The following ZMYND8 variants were observed in gnomAD, a reference collection of about 807,000 sequenced individuals.
The protein encoded by ZMYND8 is zinc finger MYND-type containing 8.
Under a neutral mutation model 140.8 loss-of-function variants are expected in ZMYND8, and 37 were observed. The observed-to-expected ratio is 0.26, with a 90% CI of 0.20 to 0.35. The LOEUF is 0.35. Ranked by LOEUF, ZMYND8 falls within the 10% of genes least tolerant of loss-of-function variation. The pLI, the probability that ZMYND8 is intolerant of heterozygous loss-of-function variation, is 1.00. For missense variants in ZMYND8, 1,068 were observed against 1,570.0 expected, an observed-to-expected ratio of 0.68 and a Z score of 5.40; for synonymous variants, 592 against 597.1, an observed-to-expected ratio of 0.99 and a Z score of 0.12.
intron 2 of ZMYND8, chr20:47,319,355 G>A (rs1221671863): frequency 1.9e-5 from 5 of 257,426 alleles, no homozygotes; most frequent in Admixed American, 5.1e-5. Context: ...TCTGCTGGCC[G>A]AGGTGACAAT....
chr20:47,294,195 A>C (rs2077487897), intron 5 of ZMYND8, among the ~76,000 whole-genome samples: 1 of 149,206 alleles, frequency 6.7e-6, no homozygotes, highest in African/African-American at 2.5e-5. Context: ...TAAAAATACA[A>C]AAAAAAAAAT....
intron 2 of ZMYND8, among the ~76,000 whole-genome samples, chr20:47,318,282 G>A (rs1034709409): frequency 6.6e-6 from 1 of 152,098 alleles, no homozygotes; most frequent in Non-Finnish European, 1.5e-5. Context: ...AGCCCTTTTC[G>A]TAATCACCAG....
chr20:47,238,573 A>G (rs2039541817), intron 15 of ZMYND8, 185 bp downstream of exon 15: 1 of 1,187,928 alleles, frequency 8.4e-7, no homozygotes, highest in Non-Finnish European at 1.2e-6. Context: ...TTTTGAAAGT[A>G]AAAAAGCAAG....
chr20:47,224,586 T>A (rs762859490), intron 18 of ZMYND8, 30 bp from the exon 19 acceptor site: 43 of 1,609,278 alleles, frequency 2.7e-5, no homozygotes, highest in Admixed American at 5.0e-5. Flanking sequence ...ACACCGCTCA[T>A]CACCTGACCC....
intron 2 of ZMYND8, among the ~76,000 whole-genome samples, chr20:47,310,997 C>T (rs1426854975): frequency 6.6e-6 from 1 of 152,158 alleles, no homozygotes; most frequent in Non-Finnish European, 1.5e-5. Context: ...ACGACTTGTC[C>T]ATGCCCATGC....
chr20:47,295,612 C>T (rs1446791255), intron 4 of ZMYND8, among the ~76,000 whole-genome samples: 1 of 152,188 alleles, frequency 6.6e-6, no homozygotes, highest in East Asian at 1.9e-4. Context: ...ACTAATAATA[C>T]GTATGACTTC....
chr20:47,255,779 A>G (rs1485472378), intron 12 of ZMYND8, among the ~76,000 whole-genome samples: 24 of 126,266 alleles, frequency 1.9e-4, no homozygotes, highest in Non-Finnish European at 3.7e-4. Context: ...ATATATATAT[A>G]TTTGTATGTG....
intron 18 of ZMYND8, among the ~76,000 whole-genome samples, chr20:47,226,088 C>T (rs901559194): frequency 6.7e-6 from 1 of 150,004 alleles, no homozygotes; most frequent in Non-Finnish European, 1.5e-5. Context: ...GAGGCAGAGG[C>T]TGCAGTCAGC....
Position 47,224,378 on chromosome 20 carries a change from G to A in ZMYND8, c.3195C>T (p.Tyr1065=). 1 of 1,614,262 alleles carries A rather than the reference G, an allele frequency of 6.2e-7. No individual in the cohort carries two copies. Among genetic ancestry groups the A allele is most frequent in the Non-Finnish European group, 8.5e-7 (1 of 1,180,040 alleles). ...AIFYCCWNTS[Y]CDYPCQQAHW... ...GGGCTTGCTGGCAGGGGTAGTCACA[G>A]TAGCTGGTGTTCCAACAGCAGTAAA... The change falls in exon 19 of 23, where the codon TAC becomes TAT. Residue 1065 remains tyrosine (Y), a synonymous_variant. Coordinates refer to ENST00000471951, the MANE Select transcript of ZMYND8 (RefSeq NM_001281775.3).
Position 47,220,238 on chromosome 20 carries a change from C to T in ZMYND8, c.3484+20G>A, listed in dbSNP as rs1334995353. On this transcript the variant is annotated intron_variant, in intron 21 of 22. Transcript: ENST00000471951. Reference sequence around the variant, plus strand: ...ATCTGAAATGTGAAAGCACCGTTCGCCCACCAGGGGGCAACATACCAGAGC... The same window carrying T: ...ATCTGAAATGTGAAAGCACCGTTCGTCCACCAGGGGGCAACATACCAGAGC... 1 of 1,553,832 alleles carries T rather than the reference C, an allele frequency of 6.4e-7. No homozygotes were observed.
At chr20:47,264,804 G>A (rs1039871153) in intron 11 of ZMYND8, among the ~76,000 whole-genome samples, 8 of 151,970 alleles carry the variant, frequency 5.3e-5, no homozygotes, top group Non-Finnish European at 1.2e-4. Flanking sequence ...GGAGGCTGAG[G>A]TGGGAGGATC....
chr20:47,314,433 A>ATT (rs2079211191), intron 2 of ZMYND8, among the ~76,000 whole-genome samples: 2 of 151,974 alleles, frequency 1.3e-5, no homozygotes, highest in Non-Finnish European at 2.9e-5. Context: ...CAGGAGGCAG[A>ATT]GGTTGCAGTG....
At chr20:47,350,199 C>T (rs1448599986) in intron 1 of ZMYND8, among the ~76,000 whole-genome samples, 1 of 152,070 alleles carries the variant, frequency 6.6e-6, no homozygotes, top group Admixed American at 6.6e-5. Context: ...TTTAAGAAAA[C>T]CATCTTTTTC....
At chr20:47,322,034 TA>T (rs2080002047) in intron 2 of ZMYND8, among the ~76,000 whole-genome samples, 1 of 151,924 alleles carries the variant, frequency 6.6e-6, no homozygotes, top group Non-Finnish European at 1.5e-5. Context: ...CTAATTTTTG[TA>T]TTTTTTGTAG....
chr20:47,270,359 G>A (rs1223921174), intron 11 of ZMYND8, among the ~76,000 whole-genome samples: 1 of 127,560 alleles, frequency 7.8e-6, no homozygotes, highest in Non-Finnish European at 1.6e-5. Flanking sequence ...GAAGACAAGA[G>A]TGAAACTCCA....
intron 3 of ZMYND8, among the ~76,000 whole-genome samples, chr20:47,308,108 ACT>A (rs1260744387): frequency 6.7e-4 from 82 of 122,768 alleles, no homozygotes; most frequent in African/African-American, 2.7e-3. Flanking sequence ...ACAGAGTCAG[ACT>A]CTGTCTCAAA....
At chr20:47,321,052 C>A (rs1175829438) in intron 2 of ZMYND8, among the ~76,000 whole-genome samples, 1 of 152,076 alleles carries the variant, frequency 6.6e-6, no homozygotes, top group Non-Finnish European at 1.5e-5. Flanking sequence ...TGGAGGAACA[C>A]CCAGGAAACC....
intron 5 of ZMYND8, among the ~76,000 whole-genome samples, chr20:47,292,905 A>T (rs2077358154): frequency 6.6e-6 from 1 of 151,522 alleles, no homozygotes; most frequent in Admixed American, 6.6e-5. Context: ...TAATAATAAT[A>T]AAAAAGTTAG....
intron 11 of ZMYND8, among the ~76,000 whole-genome samples, chr20:47,264,034 A>G (rs2075330772): frequency 6.6e-6 from 1 of 152,146 alleles, no homozygotes; most frequent in African/African-American, 2.4e-5. Context: ...GCTAGAGACC[A>G]AAACGCTGCT....
Sources: allele counts gnomAD v4.1 joint callset (sites outside exome capture counted in the v4.1 genomes callset), GRCh38; gene constraint gnomAD v4.1.1; transcripts MANE v1.5; gene names NCBI Gene and HGNC (gene_info 2026-07-23, HGNC 2026-07-21).